NRXN3: variants seen among roughly 807,000 people sequenced by gnomAD.
NRXN3 encodes neurexin III.
A neutral mutation model predicts 137.6 loss-of-function variants in NRXN3; 32 were observed. That is an observed-to-expected ratio of 0.23 (90% CI 0.18 to 0.31). NRXN3 has a LOEUF of 0.31. NRXN3 is among the 10% of genes least tolerant of loss of function. The pLI, the probability that NRXN3 is intolerant of heterozygous loss-of-function variation, is 1.00. For missense variants in NRXN3, 1,574 were observed against 2,062.5 expected, an observed-to-expected ratio of 0.76 and a Z score of 4.59; for synonymous variants, 798 against 784.5, an observed-to-expected ratio of 1.02 and a Z score of -0.29.
intron 10 of NRXN3, among the ~76,000 whole-genome samples, chr14:78,937,718 T>C (rs1384511810): frequency 6.6e-6 from 1 of 152,226 alleles, no homozygotes; most frequent in Admixed American, 6.5e-5. Flanking sequence ...TAAGTGACAC[T>C]GACTTCACAC....
chr14:78,817,839 T>C (rs1596174525), intron 10 of NRXN3, among the ~76,000 whole-genome samples: 2 of 144,026 alleles, frequency 1.4e-5, no homozygotes, highest in East Asian at 4.2e-4. Context: ...CACTGAGCAC[T>C]GCCACCACAA....
intron 4 of NRXN3, among the ~76,000 whole-genome samples, chr14:78,592,517 T>G (rs1415459432): frequency 6.6e-6 from 1 of 152,146 alleles, no homozygotes; most frequent in Non-Finnish European, 1.5e-5. Flanking sequence ...GTGGTTGTAG[T>G]AAGGAAAAAC....
intron 16 of NRXN3, among the ~76,000 whole-genome samples, chr14:79,487,212 C>T (rs138035441): frequency 6.6e-6 from 1 of 152,232 alleles, no homozygotes; most frequent in Non-Finnish European, 1.5e-5. Flanking sequence ...GGCTCACTGC[C>T]TGATCCCACG....
chr14:79,318,582 G>A (rs886615754), intron 15 of NRXN3, among the ~76,000 whole-genome samples: 1 of 152,196 alleles, frequency 6.6e-6, no homozygotes, highest in African/African-American at 2.4e-5. Context: ...CCATTCTCCA[G>A]CTGTTGTCAT....
chr14:79,851,883 C>T (rs1180869430), intron 20 of NRXN3, among the ~76,000 whole-genome samples: 1 of 152,120 alleles, frequency 6.6e-6, no homozygotes, highest in Admixed American at 6.6e-5. Context: ...CCTCAAAGCA[C>T]TTCCAATAAA....
intron 15 of NRXN3, among the ~76,000 whole-genome samples, chr14:79,011,329 G>A (rs541329270): frequency 1.3e-5 from 2 of 148,464 alleles, no homozygotes; most frequent in South Asian, 2.1e-4. Context: ...TGGCGCTTTG[G>A]TCTCACAGGT....
chr14:79,046,340 A>G (rs1260011831), intron 15 of NRXN3, among the ~76,000 whole-genome samples: 1 of 152,186 alleles, frequency 6.6e-6, no homozygotes, highest in South Asian at 2.1e-4. Context: ...GAGAGGATCT[A>G]ACAATTTTTG....
chr14:78,351,271 G>T (rs1328191757), intron 4 of NRXN3, among the ~76,000 whole-genome samples: 2 of 152,152 alleles, frequency 1.3e-5, no homozygotes, highest in South Asian at 4.1e-4. Flanking sequence ...TAGACATTTA[G>T]ATTGTTTACA....
At chr14:79,765,103 C>A (rs2099051728) in intron 19 of NRXN3, among the ~76,000 whole-genome samples, 1 of 152,142 alleles carries the variant, frequency 6.6e-6, no homozygotes. Flanking sequence ...TTATCTAATT[C>A]TTTTTAGTGT....
At chr14:78,374,537 C>T (rs2087455418) in intron 4 of NRXN3, among the ~76,000 whole-genome samples, 1 of 152,070 alleles carries the variant, frequency 6.6e-6, no homozygotes, top group African/African-American at 2.4e-5. Flanking sequence ...CTTTGGGAGG[C>T]TGAGGCAGGT....
At chr14:79,622,677 A>G (rs1013507717) in intron 16 of NRXN3, among the ~76,000 whole-genome samples, 5 of 151,916 alleles carry the variant, frequency 3.3e-5, no homozygotes, top group East Asian at 1.9e-4. Context: ...GCTCACTGCA[A>G]CCTCCGCCTC....
At chr14:78,860,143 T>A (rs1031498318) in intron 10 of NRXN3, among the ~76,000 whole-genome samples, 4 of 152,224 alleles carry the variant, frequency 2.6e-5, no homozygotes, top group African/African-American at 9.6e-5. Context: ...TAACATTTAT[T>A]AAATTTTTAC....
chr14:78,173,383 A>G (rs960473918), intron 1 of NRXN3, among the ~76,000 whole-genome samples: 5 of 151,870 alleles, frequency 3.3e-5, no homozygotes, highest in Non-Finnish European at 7.4e-5. Context: ...ACTGAGATAC[A>G]GAAATCCATC....
At chr14:79,070,258 C>T (rs1447347993) in intron 15 of NRXN3, among the ~76,000 whole-genome samples, 1 of 152,188 alleles carries the variant, frequency 6.6e-6, no homozygotes, top group Admixed American at 6.5e-5. Context: ...TATTATGAAA[C>T]ATTAATCTTC....
At chr14:78,348,757 C>A (rs1395747422) in intron 4 of NRXN3, among the ~76,000 whole-genome samples, 2 of 152,194 alleles carry the variant, frequency 1.3e-5, no homozygotes, top group African/African-American at 2.4e-5. Context: ...ATCCACCTCT[C>A]TGTGTTTTCA....
intron 16 of NRXN3, among the ~76,000 whole-genome samples, chr14:79,571,481 G>A (rs1049010794): frequency 6.6e-6 from 1 of 152,148 alleles, no homozygotes; most frequent in Non-Finnish European, 1.5e-5. Flanking sequence ...GGGGTGATGA[G>A]AGAAATGAAG....
At chr14:79,253,038 C>T (rs959917447) in intron 15 of NRXN3, among the ~76,000 whole-genome samples, 1 of 152,100 alleles carries the variant, frequency 6.6e-6, no homozygotes, top group African/African-American at 2.4e-5. Flanking sequence ...GATGAAGGTA[C>T]AACATGACCC....
intron 16 of NRXN3, among the ~76,000 whole-genome samples, chr14:79,522,430 A>C (rs959781273): frequency 6.6e-6 from 1 of 152,134 alleles, no homozygotes; most frequent in African/African-American, 2.4e-5. Context: ...AGAATTTCTT[A>C]TGTAGGAGAG....
intron 19 of NRXN3, among the ~76,000 whole-genome samples, chr14:79,707,360 C>T (rs1446405087): frequency 6.6e-6 from 1 of 152,126 alleles, no homozygotes; most frequent in Non-Finnish European, 1.5e-5. Flanking sequence ...GAGGAAGCAG[C>T]CTGGTACGGA....
Sources: gnomAD v4.1 joint callset for allele counts (sites outside exome capture counted in the v4.1 genomes callset) on GRCh38, gnomAD v4.1.1 for gene constraint, MANE v1.5 for transcripts, NCBI Gene and HGNC (gene_info 2026-07-23, HGNC 2026-07-21) for gene names.